PACS2: variants seen among roughly 807,000 people sequenced by gnomAD.
PACS2 encodes PACS1-like protein.
A neutral mutation model predicts 113.0 loss-of-function variants in PACS2; 36 were observed. The ratio of observed to expected loss-of-function variants is 0.32; its 90% CI spans 0.24 to 0.42. PACS2 has a LOEUF of 0.42. PACS2 is among the 10% of genes least tolerant of loss of function. The pLI, the probability that PACS2 is intolerant of heterozygous loss-of-function variation, is 1.00. For missense variants in PACS2, 1,015 were observed against 1,239.5 expected (o/e 0.82, Z 2.72); for synonymous variants, 589 against 536.1 (o/e 1.10, Z -1.36).
chr14:105,340,945 G>A lies in PACS2; in HGVS notation c.120-7548G>A, dbSNP rs587624341. On this transcript the variant is annotated intron_variant, in intron 1 of 24. Transcript: ENST00000447393. The surrounding 1 kb of genome is among the most constrained non-coding windows in gnomAD (Gnocchi z 4.2). ...GCACCCTTGCCCCGTCTCTGGCCAC[G>A]TAGCCGTCACCCAGCTAGCATGGGG... Among the ~76,000 whole-genome samples the A allele has an allele frequency of 6.6e-4, 100 of 152,348 alleles. No individual in the cohort carries two copies. The highest frequency in any genetic ancestry group is 2.3e-3 in the African/African-American group (96 of 41,576).
intron 8 of PACS2, 92 bp downstream of exon 8, chr14:105,369,992 C>G (rs1245652734): frequency 9.1e-7 from 1 of 1,104,248 alleles, no homozygotes; most frequent in East Asian, 2.6e-5. Flanking sequence ...CGGGCCACCT[C>G]TGGTTCTGCC....
At chr14:105,318,577 G>A (rs1004284480) in intron 1 of PACS2, among the ~76,000 whole-genome samples, 3 of 151,508 alleles carry the variant, frequency 2.0e-5, no homozygotes, top group African/African-American at 4.8e-5. Context: ...AGCCTCCCAA[G>A]TAGCTAGGAC....
At chr14:105,379,984 C>T (rs2080922984) in intron 10 of PACS2, 96 bp from the exon 11 acceptor site, 2 of 1,336,706 alleles carry the variant, frequency 1.5e-6, no homozygotes, top group Admixed American at 3.9e-5. Context: ...ACGCAGGTAC[C>T]CCGGGCCTCC....
intron 1 of PACS2, among the ~76,000 whole-genome samples, chr14:105,347,659 C>T (rs2059992359): frequency 6.6e-6 from 1 of 152,194 alleles, no homozygotes; most frequent in Non-Finnish European, 1.5e-5. Context: ...TGCCTTCACC[C>T]TTCTGCTGTC....
At chr14:105,386,973 T>C (rs1300614229) in intron 19 of PACS2, among the ~76,000 whole-genome samples, 1 of 152,152 alleles carries the variant, frequency 6.6e-6, no homozygotes, top group Non-Finnish European at 1.5e-5. Context: ...TGCTTGTATC[T>C]CCCAGGTCAG....
In PACS2 at chr14:105,389,941, G is replaced by A. The variant is rs782818412; in HGVS notation, c.2034-20G>A. 3 of 1,612,168 alleles carry A rather than the reference G, an allele frequency of 1.9e-6. No individual in the cohort carries two copies. The highest frequency in any genetic ancestry group is 2.5e-6 in the Non-Finnish European group (3 of 1,178,328). On this transcript the variant is annotated intron_variant, in intron 19 of 24. Coordinates refer to ENST00000447393, the MANE Select transcript of PACS2 (RefSeq NM_001100913.3). ...GCTGTGCCCTGAGGAGAGCTTAACT[G>A]TCTGTTTCCTTGCTCTTAGCCCTGA...
chr14:105,322,857 TTA>T, intron 1 of PACS2, among the ~76,000 whole-genome samples: 1 of 152,248 alleles, frequency 6.6e-6, no homozygotes, highest in East Asian at 1.9e-4. Flanking sequence ...AGGATTTCCT[TTA>T]GTGAGGATCT....
intron 1 of PACS2, among the ~76,000 whole-genome samples, chr14:105,327,866 G>T (rs1028704843): frequency 5.9e-4 from 89 of 152,042 alleles, no homozygotes; most frequent in African/African-American, 2.1e-3. Flanking sequence ...GCCACCCGAT[G>T]GACCATTGAC....
chr14:105,356,362 G>A lies in PACS2; in HGVS notation c.423+1185G>A, dbSNP rs1595681233. ...TGGCGTCCCGAGGCCTCGCTTCTCC[G>A]TGCCGCCGCAGGGCCTCAGACAAGC... is the stretch of plus-strand genomic sequence containing the variant. On this transcript the variant is annotated intron_variant, in intron 4 of 24. Transcript: ENST00000447393. The surrounding 1 kb of genome is among the most constrained non-coding windows in gnomAD (Gnocchi z 4.0). Among the ~76,000 whole-genome samples the A allele has an allele frequency of 6.6e-6, 1 of 152,188 alleles. No individual in the cohort carries two copies. The highest frequency in any genetic ancestry group is 1.5e-5 in the Non-Finnish European group (1 of 68,020).
intron 1 of PACS2, among the ~76,000 whole-genome samples, chr14:105,327,941 C>T (rs951114618): frequency 5.9e-5 from 9 of 151,774 alleles, no homozygotes; most frequent in Non-Finnish European, 1.3e-4. Context: ...CCTTGGCTCA[C>T]CGGCCCAGGC....
intron 19 of PACS2, among the ~76,000 whole-genome samples, chr14:105,386,796 G>A (rs2081191708): frequency 6.6e-6 from 1 of 152,154 alleles, no homozygotes. Flanking sequence ...GAAGGGGGCT[G>A]AACATCCTAT....
Position 105,355,518 on chromosome 14 carries a change from A to G in PACS2, c.423+341A>G, listed in dbSNP as rs587636094. 6.6e-6 allele frequency among the ~76,000 whole-genome samples: 1 copy of G among 152,296 alleles called. No homozygotes were observed. The highest frequency in any genetic ancestry group is 2.1e-4 in the South Asian group (1 of 4,828). ...ATGGAGGAATCGCTGCTGTCCCCAC[A>G]CCACGGGTGCGTCCTGTGATGGGTT... On this transcript the variant is annotated intron_variant, in intron 4 of 24. Coordinates refer to ENST00000447393, the MANE Select transcript of PACS2 (RefSeq NM_001100913.3). This position sits in a 1 kb window ranked among gnomAD's most constrained non-coding sequence, Gnocchi z 4.1.
At chr14:105,384,525 A>G (rs2081106565) in intron 17 of PACS2, 62 bp downstream of exon 17, 1 of 1,051,164 alleles carries the variant, frequency 9.5e-7, no homozygotes, top group Non-Finnish European at 1.4e-6. Context: ...CGGTTTCCCC[A>G]GATGCTGTGC....
chr14:105,343,199 C>G (rs10147378), intron 1 of PACS2, among the ~76,000 whole-genome samples: 17,563 of 152,212 alleles, frequency 0.12, 3,446 homozygotes, highest in African/African-American at 0.4. Flanking sequence ...CGATGCCTTC[C>G]AGATCCATCC....
intron 12 of PACS2, 28 bp from the exon 13 acceptor site, chr14:105,381,886 C>T: frequency 6.5e-7 from 1 of 1,536,710 alleles, no homozygotes; most frequent in Non-Finnish European, 8.8e-7. Flanking sequence ...GCTGCCACAG[C>T]CACTTAGCCT....
chr14:105,339,804 C>T (rs1257699608), intron 1 of PACS2, among the ~76,000 whole-genome samples: 2 of 152,154 alleles, frequency 1.3e-5, no homozygotes, highest in South Asian at 2.1e-4. Context: ...GCAAACATGC[C>T]TGGCTAATTT....
intron 17 of PACS2, 90 bp from the exon 18 acceptor site, chr14:105,384,789 C>G: frequency 1.2e-6 from 1 of 848,940 alleles, no homozygotes; most frequent in South Asian, 1.5e-5. Flanking sequence ...TACGGGAGGC[C>G]TGGGCGGGGC....
intron 4 of PACS2, among the ~76,000 whole-genome samples, chr14:105,359,300 C>CT (rs1241481732): frequency 8.4e-4 from 119 of 141,586 alleles, no homozygotes; most frequent in African/African-American, 2.1e-3. Flanking sequence ...TTTTACTGTG[C>CT]TTTTTTTTTT....
chr14:105,333,371 G>A (rs2059379193), intron 1 of PACS2, among the ~76,000 whole-genome samples: 1 of 152,236 alleles, frequency 6.6e-6, no homozygotes, highest in Admixed American at 6.5e-5. Context: ...TTCCCATGGC[G>A]CCACTGCTGT....
Sources: allele counts gnomAD v4.1 joint callset (sites outside exome capture counted in the v4.1 genomes callset), GRCh38; gene constraint gnomAD v4.1.1; non-coding constraint Gnocchi (gnomAD v3.1); transcripts MANE v1.5; gene names NCBI Gene and HGNC (gene_info 2026-07-23, HGNC 2026-07-21).